The following ANGPT1 variants were observed in gnomAD, a reference collection of about 807,000 sequenced individuals.
ANGPT1 encodes the protein angiopoietin 1.
A neutral mutation model predicts 62.2 loss-of-function variants in ANGPT1; 17 were observed. The ratio of observed to expected loss-of-function variants is 0.27; its 90% confidence interval spans 0.19 to 0.41. The LOEUF (loss-of-function observed/expected upper bound fraction) is 0.41, where lower values mean the gene tolerates loss of function less well. Among genes scored for constraint, ANGPT1 ranks in the 10% least tolerant of loss-of-function variants. ANGPT1 has a pLI of 1.00. For synonymous variants in ANGPT1, 199 were observed against 198.9 expected (o/e 1.00, Z 0.00); for missense variants, 478 against 594.9 (o/e 0.80, Z 2.04).
intron 6 of ANGPT1, among the ~76,000 whole-genome samples, chr8:107,290,443 C>CAGGCAGTA (rs912652663): frequency 2.0e-5 from 3 of 152,128 alleles, no homozygotes; most frequent in African/African-American, 7.2e-5. Context: ...AAGAAGTGAG[C>CAGGCAGTA]AGGCAGTTCT....
chr8:107,416,012 A>G, intron 1 of ANGPT1, among the ~76,000 whole-genome samples: 1 of 152,216 alleles, frequency 6.6e-6, no homozygotes, highest in East Asian at 1.9e-4. Flanking sequence ...GGAAAAAAAA[A>G]CCCCACAAAC....
chr8:107,345,228 T>C (rs1815778806), intron 2 of ANGPT1, among the ~76,000 whole-genome samples: 1 of 152,206 alleles, frequency 6.6e-6, no homozygotes, highest in Non-Finnish European at 1.5e-5. Flanking sequence ...TAATAAACTT[T>C]CATTGGTCTT....
intron 1 of ANGPT1, among the ~76,000 whole-genome samples, chr8:107,398,683 A>T (rs762808315): frequency 1.2e-4 from 18 of 152,108 alleles, no homozygotes; most frequent in Non-Finnish European, 2.4e-4. Context: ...TTTAATCTCC[A>T]GAGAAAGCTA....
chr8:107,381,386 A>C (rs751134222), intron 1 of ANGPT1, among the ~76,000 whole-genome samples: 1 of 152,154 alleles, frequency 6.6e-6, no homozygotes, highest in South Asian at 2.1e-4. Flanking sequence ...ATTACCTGTC[A>C]ATGTTTGCTT....
At chr8:107,320,396 C>G (rs767816469) in intron 4 of ANGPT1, among the ~76,000 whole-genome samples, 31 of 152,052 alleles carry the variant, frequency 2.0e-4, no homozygotes, top group Non-Finnish European at 2.6e-4. Context: ...AAATAAAAAC[C>G]ACTATTCCAC....
chr8:107,495,255 C>G (rs748310207), intron 1 of ANGPT1, among the ~76,000 whole-genome samples: 4 of 152,086 alleles, frequency 2.6e-5, no homozygotes, highest in Non-Finnish European at 5.9e-5. Flanking sequence ...TGACTCATAC[C>G]AATAGGGACG....
intron 1 of ANGPT1, among the ~76,000 whole-genome samples, chr8:107,379,935 G>T (rs1816602271): frequency 6.6e-6 from 1 of 152,086 alleles, no homozygotes; most frequent in Non-Finnish European, 1.5e-5. Flanking sequence ...AGATGTTGGG[G>T]TCTTGAGATA....
At chr8:107,436,856 G>C (rs1811348625) in intron 1 of ANGPT1, among the ~76,000 whole-genome samples, 1 of 152,022 alleles carries the variant, frequency 6.6e-6, no homozygotes, top group Admixed American at 6.5e-5. Flanking sequence ...ATACATATGG[G>C]AGAAATATTT....
rs11989718 is a variant in ANGPT1, at chr8:107,309,465, G to A, written c.809-6098C>T. Among the ~76,000 whole-genome samples the A allele has an allele frequency of 9.5e-3, 1,440 of 152,270 alleles. 17 individuals carry two copies. Among genetic ancestry groups the A allele is most frequent in the African/African-American group, 0.029 (1,225 of 41,566 alleles). On this transcript the variant is annotated intron_variant, in intron 4 of 8. Transcript: ENST00000517746. ...CAGCCAGGTGTGTGGGCATTTCATA[G>A]AGAAAACATTTTGAAGACACTCTCT...
At chr8:107,458,316 T>G (rs1441717606) in intron 1 of ANGPT1, among the ~76,000 whole-genome samples, 1 of 152,156 alleles carries the variant, frequency 6.6e-6, no homozygotes, top group East Asian at 1.9e-4. Flanking sequence ...TTGGAAAACC[T>G]GCTAATAGAA....
chr8:107,404,924 C>T (rs1416064557), intron 1 of ANGPT1, among the ~76,000 whole-genome samples: 1 of 152,026 alleles, frequency 6.6e-6, no homozygotes, highest in Non-Finnish European at 1.5e-5. Context: ...ATAGTAGTGA[C>T]ATTGAACTTC....
chr8:107,411,935 T>G (rs1810593946), intron 1 of ANGPT1, among the ~76,000 whole-genome samples: 1 of 152,190 alleles, frequency 6.6e-6, no homozygotes, highest in African/African-American at 2.4e-5. Flanking sequence ...GCTACATGCT[T>G]TCTCCTTCAT....
chr8:107,322,956 T>C (rs1024176634), intron 3 of ANGPT1, among the ~76,000 whole-genome samples: 10 of 152,188 alleles, frequency 6.6e-5, no homozygotes, highest in African/African-American at 1.4e-4. Flanking sequence ...GCTTCCTTTA[T>C]TTCTCAACTC....
intron 1 of ANGPT1, among the ~76,000 whole-genome samples, chr8:107,489,185 T>A (rs1166127933): frequency 1.3e-5 from 2 of 152,158 alleles, no homozygotes; most frequent in Non-Finnish European, 2.9e-5. Context: ...CTGATGCCAG[T>A]GAGTTTGGTC....
rs34242211 is a variant in ANGPT1, at chr8:107,317,634, ATT to A, written c.808+4260_808+4261del. Among the ~76,000 whole-genome samples the A allele has an allele frequency of 4.5e-3, 604 of 134,138 alleles. 5 individuals carry two copies. Among genetic ancestry groups the A allele is most frequent in the African/African-American group, 0.011 (398 of 35,928 alleles). The allele number at this position is 134,138 out of a possible 152,430, so 88.0% of individuals were successfully genotyped here. ...AACCAGTGAATTTATTTTTATTTTTATTTTTTTTTTTTTTGAGACAGAGTCTT... is the reference window on the plus strand; with the variant it reads ...AACCAGTGAATTTATTTTTATTTTTATTTTTTTTTTTTGAGACAGAGTCTT... On this transcript the variant is annotated intron_variant, in intron 4 of 8. Coordinates refer to ENST00000517746, the MANE Select transcript of ANGPT1 (RefSeq NM_001146.5).
At chr8:107,441,595 T>C (rs1811477221) in intron 1 of ANGPT1, among the ~76,000 whole-genome samples, 2 of 152,190 alleles carry the variant, frequency 1.3e-5, no homozygotes, top group Non-Finnish European at 2.9e-5. Flanking sequence ...TGCTGCTTCA[T>C]CACTAACAGG....
intron 1 of ANGPT1, among the ~76,000 whole-genome samples, chr8:107,434,281 C>T (rs894691498): frequency 5.3e-5 from 8 of 151,954 alleles, no homozygotes; most frequent in Non-Finnish European, 7.4e-5. Context: ...ATAGGCCGGG[C>T]GGGAAAGTGG....
At chr8:107,464,783 G>A (rs1279901953) in intron 1 of ANGPT1, among the ~76,000 whole-genome samples, 1 of 152,102 alleles carries the variant, frequency 6.6e-6, no homozygotes, top group Non-Finnish European at 1.5e-5. Flanking sequence ...AGTACCATAA[G>A]TATTCGATAA....
intron 4 of ANGPT1, among the ~76,000 whole-genome samples, chr8:107,319,369 G>A (rs17296358): frequency 0.16 from 24,921 of 151,916 alleles, 2,677 homozygotes; most frequent in Admixed American, 0.27. Flanking sequence ...ACCTTTTAGG[G>A]TCAATTAAAA....
Sources: allele counts gnomAD v4.1 joint callset (sites outside exome capture counted in the v4.1 genomes callset), GRCh38; gene constraint gnomAD v4.1.1; transcripts MANE v1.5; gene names NCBI Gene and HGNC (gene_info 2026-07-23, HGNC 2026-07-21).